CDKAL1: variants seen among roughly 807,000 people sequenced by gnomAD.
The protein encoded by CDKAL1 is CDKAL1 threonylcarbamoyladenosine tRNA methylthiotransferase.
CDKAL1 carries 32 observed loss-of-function variants against 68.2 expected under a neutral mutation model. The ratio of observed to expected loss-of-function variants is 0.47; its 90% confidence interval spans 0.35 to 0.63. The LOEUF (loss-of-function observed/expected upper bound fraction) is 0.63, where lower values mean the gene tolerates loss of function less well. Ranked by LOEUF, CDKAL1 falls within the 30% of genes least tolerant of loss-of-function variation. CDKAL1 has a pLI of 0.00. For missense variants in CDKAL1, 606 were observed against 696.7 expected (o/e 0.87, Z 1.47); for synonymous variants, 234 against 244.3 (o/e 0.96, Z 0.39).
At chr6:20,686,836 T>C (rs549540545) in intron 5 of CDKAL1, among the ~76,000 whole-genome samples, 1 of 152,194 alleles carries the variant, frequency 6.6e-6, no homozygotes, top group Non-Finnish European at 1.5e-5. Context: ...TTTGTAGTCT[T>C]TTTAACTAGT....
intron 4 of CDKAL1, among the ~76,000 whole-genome samples, chr6:20,628,967 G>T (rs956559221): frequency 6.6e-6 from 1 of 151,720 alleles, no homozygotes; most frequent in African/African-American, 2.4e-5. Flanking sequence ...ATTCTCCTAC[G>T]CAACTACGAC....
chr6:20,953,270 T>C (rs1764624315), intron 9 of CDKAL1, among the ~76,000 whole-genome samples: 1 of 152,220 alleles, frequency 6.6e-6, no homozygotes, highest in South Asian at 2.1e-4. Flanking sequence ...CTGCTGTTTC[T>C]CTATGGATGT....
chr6:21,202,631 A>T (rs1778737880), intron 15 of CDKAL1, among the ~76,000 whole-genome samples: 1 of 152,234 alleles, frequency 6.6e-6, no homozygotes, highest in African/African-American at 2.4e-5. Flanking sequence ...AAGTAGCAGT[A>T]GTGGGGAAAT....
At chr6:20,783,214 G>A (rs960100142) in intron 8 of CDKAL1, among the ~76,000 whole-genome samples, 7 of 152,150 alleles carry the variant, frequency 4.6e-5, no homozygotes, top group Non-Finnish European at 1.0e-4. Context: ...ACAGGCATGA[G>A]CCACTGCACC....
At position 20,975,345 on chromosome 6, in the gene CDKAL1, G is replaced by A. The variant is rs959245529; in HGVS notation, c.909+19760G>A. 3.9e-5 allele frequency among the ~76,000 whole-genome samples: 6 copies of A among 152,176 alleles called. No homozygotes were observed. In the East Asian group the frequency reaches 7.7e-4, roughly 20 times the overall value. On this transcript the variant is annotated intron_variant, in intron 10 of 15. Transcript: ENST00000274695. ...GTGCTTTTCTTGTGCTTTCATTTTC[G>A]AACAAGTTTGCTTGGTATTTAGTAG...
intron 8 of CDKAL1, among the ~76,000 whole-genome samples, chr6:20,789,257 AATATT>A (rs1410863054): frequency 6.6e-6 from 1 of 152,216 alleles, no homozygotes; most frequent in Non-Finnish European, 1.5e-5. Context: ...TTTTCACTAA[AATATT>A]ATACAAATGA....
intron 8 of CDKAL1, among the ~76,000 whole-genome samples, chr6:20,810,098 C>T (rs1401282474): frequency 1.3e-5 from 2 of 152,116 alleles, no homozygotes; most frequent in Non-Finnish European, 2.9e-5. Flanking sequence ...TGCTCTTCCA[C>T]AGTTTTAACT....
intron 7 of CDKAL1, among the ~76,000 whole-genome samples, chr6:20,766,191 A>T (rs77685360): frequency 6.6e-6 from 1 of 152,100 alleles, no homozygotes; most frequent in African/African-American, 2.4e-5. Flanking sequence ...TCCTTTTCTG[A>T]TCAAAGATAC....
At chr6:21,157,541 GTTTA>G (rs1352546448) in intron 13 of CDKAL1, among the ~76,000 whole-genome samples, 2 of 152,242 alleles carry the variant, frequency 1.3e-5, no homozygotes, top group South Asian at 2.1e-4. Flanking sequence ...TTGATATCTT[GTTTA>G]TTTGTTTTTG....
At chr6:20,535,216 AG>A (rs1383177495) in intron 1 of CDKAL1, 134 bp from the exon 2 acceptor site, 2 of 152,396 alleles carry the variant, frequency 1.3e-5, no homozygotes, top group African/African-American at 4.8e-5. Context: ...AGTTACAAGT[AG>A]TATGGAGCAT....
At chr6:21,183,237 A>G (rs905994715) in intron 13 of CDKAL1, among the ~76,000 whole-genome samples, 1 of 151,362 alleles carries the variant, frequency 6.6e-6, no homozygotes, top group Non-Finnish European at 1.5e-5. Flanking sequence ...CTCTCTTCCC[A>G]TTAAATATGT....
intron 15 of CDKAL1, among the ~76,000 whole-genome samples, chr6:21,203,309 TCACTGCAGCCTC>T (rs937925189): frequency 3.7e-5 from 5 of 135,926 alleles, no homozygotes; most frequent in Non-Finnish European, 6.1e-5. Flanking sequence ...CAGTGTCAGC[TCACTGCAGCCTC>T]CACCCCCCAA....
intron 13 of CDKAL1, among the ~76,000 whole-genome samples, chr6:21,158,870 T>G (rs763458439): frequency 1.3e-5 from 2 of 152,206 alleles, no homozygotes; most frequent in Non-Finnish European, 1.5e-5. Context: ...CTTCTAACCT[T>G]TTTTTCAGTT....
intron 4 of CDKAL1, among the ~76,000 whole-genome samples, chr6:20,611,801 T>A (rs1309192020): frequency 6.6e-6 from 1 of 152,192 alleles, no homozygotes; most frequent in Non-Finnish European, 1.5e-5. Context: ...ATATTGTTGC[T>A]GTCTGTAGTC....
intron 9 of CDKAL1, among the ~76,000 whole-genome samples, chr6:20,946,795 C>T (rs1309655953): frequency 6.6e-6 from 1 of 151,980 alleles, no homozygotes; most frequent in Non-Finnish European, 1.5e-5. Context: ...GGGGGTTTCT[C>T]CATGTTGGTC....
intron 5 of CDKAL1, among the ~76,000 whole-genome samples, chr6:20,713,119 A>T (rs541444789): frequency 6.6e-6 from 1 of 152,312 alleles, no homozygotes; most frequent in East Asian, 1.9e-4. Context: ...GATGACTTTA[A>T]TTATTTCAAG....
At chr6:20,952,863 G>A (rs1764602180) in intron 9 of CDKAL1, among the ~76,000 whole-genome samples, 2 of 152,184 alleles carry the variant, frequency 1.3e-5, no homozygotes, top group Admixed American at 6.5e-5. Context: ...CACATTTAGC[G>A]TCACTTTTAG....
At chr6:20,930,345 C>G (rs1358160624) in intron 9 of CDKAL1, among the ~76,000 whole-genome samples, 3 of 152,040 alleles carry the variant, frequency 2.0e-5, no homozygotes, top group Admixed American at 6.5e-5. Flanking sequence ...AAAGCCCTGC[C>G]AAGCTCTATT....
intron 9 of CDKAL1, among the ~76,000 whole-genome samples, chr6:20,948,441 T>C (rs1164201841): frequency 6.6e-6 from 1 of 152,230 alleles, no homozygotes; most frequent in Non-Finnish European, 1.5e-5. Context: ...AAAAATCCTT[T>C]GCTTTTTTAC....
Sources: gnomAD v4.1 joint callset for allele counts (sites outside exome capture counted in the v4.1 genomes callset) on GRCh38, gnomAD v4.1.1 for gene constraint, MANE v1.5 for transcripts, NCBI Gene and HGNC (gene_info 2026-07-23, HGNC 2026-07-21) for gene names.